The following NHS variants were observed in gnomAD, a reference collection of about 807,000 sequenced individuals.
The protein encoded by NHS is NHS actin remodeling regulator.
NHS carries 5 observed loss-of-function variants against 72.5 expected under a neutral mutation model. The observed-to-expected ratio is 0.07, with a 90% CI of 0.04 to 0.14. The LOEUF is 0.14. Among genes scored for constraint, NHS ranks in the 10% least tolerant of loss-of-function variants. The pLI is 1.00. For synonymous variants in NHS, 464 were observed against 547.7 expected, an observed-to-expected ratio of 0.85 and a Z score of 2.13; for missense variants, 1,072 against 1,355.7, an observed-to-expected ratio of 0.79 and a Z score of 3.29.
chrX:17,494,076 CTTTTT>C (rs749475125), intron 1 of NHS, among the ~76,000 whole-genome samples: 7 of 73,321 alleles, frequency 9.5e-5, no homozygotes, highest in Admixed American at 1.8e-4. Context: ...TCCTGGATGA[CTTTTT>C]TTTTTTTTTT....
intron 1 of NHS, among the ~76,000 whole-genome samples, chrX:17,382,829 A>G (rs1170869621): frequency 8.9e-6 from 1 of 112,226 alleles, no homozygotes; most frequent in African/African-American, 3.2e-5. Context: ...TACTTACTGC[A>G]AACTCCTGTA....
intron 1 of NHS, among the ~76,000 whole-genome samples, chrX:17,505,078 C>A (rs1390917652): frequency 9.0e-6 from 1 of 111,168 alleles, no homozygotes; most frequent in East Asian, 2.8e-4. Flanking sequence ...ATACTACACA[C>A]AATGTTCATT....
At chrX:17,636,102 C>G (rs1374118279) in intron 1 of NHS, among the ~76,000 whole-genome samples, 2 of 111,959 alleles carry the variant, frequency 1.8e-5, no homozygotes, top group Non-Finnish European at 3.8e-5. Context: ...AGCACTGCCC[C>G]CTCCAGTCTT....
At chrX:17,566,472 T>C (rs1296382830) in intron 1 of NHS, among the ~76,000 whole-genome samples, 1 of 111,973 alleles carries the variant, frequency 8.9e-6, no homozygotes, top group East Asian at 2.8e-4. Flanking sequence ...AGAAGAGAAA[T>C]TCTGTCTGTC....
intron 1 of NHS, among the ~76,000 whole-genome samples, chrX:17,575,914 C>T (rs973219542): frequency 2.9e-4 from 33 of 111,881 alleles, no homozygotes; most frequent in African/African-American, 7.8e-4. Context: ...GCCCCAGACA[C>T]GAGCAAAGGC....
chrX:17,605,466 A>G (rs1385892301), intron 1 of NHS, among the ~76,000 whole-genome samples: 1 of 111,441 alleles, frequency 9.0e-6, no homozygotes, highest in Non-Finnish European at 1.9e-5. Flanking sequence ...AGCTTCGTTA[A>G]CTTAGATTTT....
chrX:17,726,492 G>T lies in NHS; in HGVS notation c.2386G>T (p.Gly796Cys), dbSNP rs2147143086. The change falls in exon 7 of 9, where the codon GGT becomes TGT. Residue 796 changes from glycine (G) to cysteine (C), a missense_variant. Transcript: ENST00000676302. ...CATGCACTTTGACTGTGGTCTCAAA[G>T]GTAATAAGAGCTATGTCTGTCACTA... The part of the protein sequence containing the change: ...TSMHFDCGLK[G>C]NKSYVCHYAA... 8.3e-7 allele frequency: 1 copy of T among 1,210,505 alleles called. No homozygotes were observed. The highest frequency in any genetic ancestry group is 1.7e-5 in the African/African-American group (1 of 57,344).
chrX:17,489,845 T>C (rs1374106328), intron 1 of NHS, among the ~76,000 whole-genome samples: 3 of 112,171 alleles, frequency 2.7e-5, no homozygotes, highest in Non-Finnish European at 5.6e-5. Flanking sequence ...TGGTATCTCA[T>C]TGTGGTTTTG....
intron 1 of NHS, among the ~76,000 whole-genome samples, chrX:17,534,237 A>G (rs760403407): frequency 8.9e-6 from 1 of 112,380 alleles, no homozygotes; most frequent in East Asian, 2.8e-4. Context: ...CTATGAGTTG[A>G]TTTCATGAGC....
intron 3 of NHS, among the ~76,000 whole-genome samples, chrX:17,707,093 T>C (rs1053041422): frequency 9.8e-5 from 11 of 111,733 alleles, no homozygotes; most frequent in South Asian, 3.8e-4. Context: ...TCTGGACAGA[T>C]AGGCAAGGAG....
At chrX:17,582,003 G>A (rs1034352295) in intron 1 of NHS, among the ~76,000 whole-genome samples, 3 of 111,710 alleles carry the variant, frequency 2.7e-5, no homozygotes, top group Non-Finnish European at 3.8e-5. Flanking sequence ...CAAGGGCCCT[G>A]CCTCCACACT....
intron 1 of NHS, among the ~76,000 whole-genome samples, chrX:17,390,418 G>A (rs756873025): frequency 1.2e-3 from 135 of 108,595 alleles, no homozygotes; most frequent in African/African-American, 4.3e-3. Flanking sequence ...TTACAAGATG[G>A]CGCATGTTTA....
chrX:17,572,341 T>C (rs1157201730), intron 1 of NHS, among the ~76,000 whole-genome samples: 3 of 110,128 alleles, frequency 2.7e-5, no homozygotes, highest in Non-Finnish European at 5.7e-5. Context: ...TTTATGAATC[T>C]TGGTGCTCCT....
intron 1 of NHS, among the ~76,000 whole-genome samples, chrX:17,667,778 C>G (rs2066021287): frequency 9.1e-6 from 1 of 110,116 alleles, no homozygotes; most frequent in South Asian, 3.9e-4. Context: ...AGAAAAGAAG[C>G]CTCTCATCTT....
At chrX:17,704,306 T>A (rs1022500499) in intron 3 of NHS, among the ~76,000 whole-genome samples, 18 of 107,909 alleles carry the variant, frequency 1.7e-4, no homozygotes, top group South Asian at 8.3e-4. Context: ...TAAAAAAAAA[T>A]TTTTTTTTGA....
intron 8 of NHS, among the ~76,000 whole-genome samples, chrX:17,729,010 A>G (rs2066469770): frequency 8.9e-6 from 1 of 112,502 alleles, no homozygotes; most frequent in Non-Finnish European, 1.9e-5. Context: ...GACTTTTGTA[A>G]GAGTGGCTTT....
intron 1 of NHS, among the ~76,000 whole-genome samples, chrX:17,391,351 A>G (rs1261542570): frequency 8.9e-6 from 1 of 111,832 alleles, no homozygotes; most frequent in Non-Finnish European, 1.9e-5. Flanking sequence ...CTCAGTTTGC[A>G]TATCTGTGAA....
intron 1 of NHS, chrX:17,552,199 T>C (rs1460500101): frequency 8.9e-6 from 1 of 112,182 alleles, no homozygotes; most frequent in Non-Finnish European, 1.9e-5. Flanking sequence ...GCATTCTGAA[T>C]GGTGTCTCCC....
intron 1 of NHS, among the ~76,000 whole-genome samples, chrX:17,621,425 A>G (rs2065773401): frequency 8.9e-6 from 1 of 112,304 alleles, no homozygotes; most frequent in Non-Finnish European, 1.9e-5. Context: ...AGGCCTAGAG[A>G]AAAGAGGTAG....
Sources: allele counts gnomAD v4.1 joint callset (sites outside exome capture counted in the v4.1 genomes callset), GRCh38; gene constraint gnomAD v4.1.1; transcripts MANE v1.5; gene names NCBI Gene and HGNC (gene_info 2026-07-23, HGNC 2026-07-21).